NOTCH2: variants seen among roughly 807,000 people sequenced by gnomAD.
NOTCH2 encodes the protein notch receptor 2.
In NOTCH2, 29 loss-of-function variants were observed where a neutral mutation model predicts 235.8. The ratio of observed to expected loss-of-function variants is 0.12; its 90% CI spans 0.09 to 0.17. The LOEUF (loss-of-function observed/expected upper bound fraction) is 0.17. NOTCH2 is among the 10% of genes least tolerant of loss of function. The pLI is 1.00. For synonymous variants in NOTCH2, 1,086 were observed against 1,141.5 expected (o/e 0.95, Z 0.98); for missense variants, 2,285 against 3,150.2 (o/e 0.73, Z 6.57).
intron 31 of NOTCH2, among the ~76,000 whole-genome samples, chr1:119,918,963 C>G (rs995679749): frequency 6.6e-6 from 1 of 152,126 alleles, no homozygotes; most frequent in African/African-American, 2.4e-5. Flanking sequence ...CCCATACAGT[C>G]AGGCCAATCC....
chr1:120,055,796 T>A (rs1229229196), intron 1 of NOTCH2, among the ~76,000 whole-genome samples: 1 of 151,704 alleles, frequency 6.6e-6, no homozygotes, highest in Non-Finnish European at 1.5e-5. Flanking sequence ...TGTTAAAATA[T>A]AAAGCCCTTT....
chr1:120,028,868 T>C (rs1371061684), intron 2 of NOTCH2, among the ~76,000 whole-genome samples: 2 of 151,298 alleles, frequency 1.3e-5, no homozygotes, highest in South Asian at 2.1e-4. Flanking sequence ...AAAGAATGGA[T>C]ACATATTCCT....
At chr1:120,028,295 A>G (rs1193522075) in intron 2 of NOTCH2, among the ~76,000 whole-genome samples, 2 of 113,602 alleles carry the variant, frequency 1.8e-5, no homozygotes, top group African/African-American at 6.8e-5. Context: ...CTACCACAAG[A>G]GTTGCATAAC....
At chr1:119,931,044 A>G (rs1649634958) in intron 22 of NOTCH2, among the ~76,000 whole-genome samples, 1 of 150,128 alleles carries the variant, frequency 6.7e-6, no homozygotes, top group East Asian at 2.0e-4. Context: ...TGGAGCTTGC[A>G]GTAAGCCGAG....
At chr1:119,943,816 C>T (rs1407496744) in intron 17 of NOTCH2, among the ~76,000 whole-genome samples, 7 of 151,802 alleles carry the variant, frequency 4.6e-5, no homozygotes, top group Admixed American at 6.6e-5. Flanking sequence ...TAGAAAACAA[C>T]GATACTCAAT....
rs150137759 is a variant in NOTCH2, at chr1:119,987,340, A to G, written c.752-258T>C. On this transcript the variant is annotated intron_variant, in intron 4 of 33. Transcript: ENST00000256646. ...CTCACAAGTATTTCAAAATGTTTTC[A>G]TGAAATAAAATCCCAGGGATGATAA... 8.0e-3 allele frequency among the ~76,000 whole-genome samples: 1,217 copies of G among 152,284 alleles called. 17 individuals carry two copies. Among genetic ancestry groups the G allele is most frequent in the African/African-American group, 0.026 (1,101 of 41,562 alleles).
chr1:119,933,682 AG>A (rs1553195430), intron 22 of NOTCH2, among the ~76,000 whole-genome samples: 1 of 152,254 alleles, frequency 6.6e-6, no homozygotes. Context: ...TAGTATTCTA[AG>A]CCATCTTTAC....
At chr1:119,963,108 C>A (rs1415873398) in intron 11 of NOTCH2, among the ~76,000 whole-genome samples, 6 of 148,188 alleles carry the variant, frequency 4.0e-5, no homozygotes, top group Admixed American at 3.4e-4. Flanking sequence ...AGAAACATGT[C>A]ACAATAAAGA....
At chr1:120,028,499 A>G (rs1279859649) in intron 2 of NOTCH2, among the ~76,000 whole-genome samples, 4 of 151,738 alleles carry the variant, frequency 2.6e-5, no homozygotes, top group African/African-American at 7.3e-5. Flanking sequence ...GCTACATAAA[A>G]CCTTTATTTC....
intron 1 of NOTCH2, among the ~76,000 whole-genome samples, chr1:120,046,038 A>G (rs1271107100): frequency 1.3e-5 from 2 of 151,932 alleles, no homozygotes; most frequent in Admixed American, 6.6e-5. Context: ...ATATGTATTT[A>G]CTTGAGGAAG....
chr1:119,945,210 C>A (rs1226399194), intron 17 of NOTCH2, among the ~76,000 whole-genome samples: 10 of 151,816 alleles, frequency 6.6e-5, no homozygotes, highest in Admixed American at 3.9e-4. Context: ...AATATGTAAC[C>A]AATATGGTAG....
chr1:119,921,862 G>T, intron 28 of NOTCH2, 53 bp from the exon 29 acceptor site: 1 of 1,455,228 alleles, frequency 6.9e-7, no homozygotes, highest in Non-Finnish European at 9.6e-7. Flanking sequence ...AACTAATACA[G>T]TGGTTTTCAA....
At chr1:119,967,956 G>T in intron 7 of NOTCH2, 121 bp downstream of exon 7, 2 of 1,104,740 alleles carry the variant, frequency 1.8e-6, no homozygotes, top group Non-Finnish European at 2.7e-6. Flanking sequence ...TGGCCATGTA[G>T]CAAGAGTAAT....
chr1:119,964,274 T>C (rs1284246803), intron 10 of NOTCH2, among the ~76,000 whole-genome samples: 4 of 152,216 alleles, frequency 2.6e-5, no homozygotes, highest in African/African-American at 4.8e-5. Flanking sequence ...TATGCATATA[T>C]AGTAGTTTTA....
chr1:119,973,041 A>G (rs1212511966), intron 5 of NOTCH2, among the ~76,000 whole-genome samples: 1 of 152,172 alleles, frequency 6.6e-6, no homozygotes, highest in Non-Finnish European at 1.5e-5. Flanking sequence ...AATGAGACTG[A>G]ATTTTGAAGA....
chr1:119,951,366 G>C (rs1464975513), intron 14 of NOTCH2, among the ~76,000 whole-genome samples: 3 of 152,024 alleles, frequency 2.0e-5, no homozygotes, highest in African/African-American at 7.3e-5. Flanking sequence ...TGCCTAGGCT[G>C]GTCTCCAATT....
chr1:119,930,508 G>A (rs1649616664), intron 22 of NOTCH2, among the ~76,000 whole-genome samples: 1 of 151,884 alleles, frequency 6.6e-6, no homozygotes, highest in South Asian at 2.1e-4. Flanking sequence ...GCTGGGCACA[G>A]TGGCTCACAC....
At chr1:119,950,949 T>C in intron 14 of NOTCH2, 112 bp from the exon 15 acceptor site, 1 of 758,152 alleles carries the variant, frequency 1.3e-6, no homozygotes, top group South Asian at 1.4e-5. Context: ...TTGCATTCAT[T>C]TCTTCAGGCC....
intron 19 of NOTCH2, 78 bp from the exon 20 acceptor site, chr1:119,938,088 A>G: frequency 6.7e-7 from 1 of 1,488,984 alleles, no homozygotes; most frequent in Non-Finnish European, 9.3e-7. Flanking sequence ...TTGTGTTACA[A>G]GAAATCAAAG....
Sources: gnomAD v4.1 joint callset for allele counts (sites outside exome capture counted in the v4.1 genomes callset) on GRCh38, gnomAD v4.1.1 for gene constraint, MANE v1.5 for transcripts, NCBI Gene and HGNC (gene_info 2026-07-23, HGNC 2026-07-21) for gene names.